ALG9: variants seen among roughly 807,000 people sequenced by gnomAD.
ALG9 encodes ALG9 alpha-1,2-mannosyltransferase.
A neutral mutation model predicts 81.8 loss-of-function variants in ALG9; 55 were observed. The ratio of observed to expected loss-of-function variants is 0.67; its 90% CI spans 0.54 to 0.84. ALG9 has a LOEUF of 0.84. Ranked by LOEUF, ALG9 falls within the 40% of genes least tolerant of loss-of-function variation. The probability of loss-of-function intolerance (pLI) is 0.00; values close to 1 mark genes in which losing one functional copy is unlikely to be tolerated. For synonymous variants in ALG9, 278 were observed against 274.3 expected, an observed-to-expected ratio of 1.01 and a Z score of -0.13; for missense variants, 629 against 745.0, an observed-to-expected ratio of 0.84 and a Z score of 1.81.
At chr11:111,825,380 T>C (rs1953059274) in intron 13 of ALG9, among the ~76,000 whole-genome samples, 2 of 152,154 alleles carry the variant, frequency 1.3e-5, no homozygotes, top group Non-Finnish European at 2.9e-5. Context: ...CATACATAAA[T>C]ATGTGAGAAC....
chr11:111,771,366 ATGT>A, the ALG9 span: 2 of 152,472 alleles, frequency 1.3e-5, no homozygotes, highest in South Asian at 2.1e-4. Flanking sequence ...CAGGAGGCAG[ATGT>A]TGTGGTGAGC....
chr11:111,871,393 CA>C lies in ALG9; in HGVS notation c.89del (p.Leu30ArgfsTer46). On this transcript the variant is annotated frameshift_variant, in exon 1 of 15. Transcript: ENST00000616540. LOFTEE classifies it high-confidence loss of function. ...TAPAADKLRELLGSREAGGAE... is the reference protein window; with the variant it reads ...TAPAADKLREXLGSREAGGAE... ...CGCCGCCCGCCTCTCGGCTGCCCAG[CA>C]GCTCCCGCAGCTTGTCCGCAGCCGG... 1 of 1,534,482 alleles carries C rather than the reference CA, an allele frequency of 6.5e-7. No individual in the cohort carries two copies.
chr11:111,868,688 G>A lies in ALG9; in HGVS notation c.319C>T (p.Pro107Ser), dbSNP rs1963291016. 3 of 1,613,596 alleles carry A rather than the reference G, an allele frequency of 1.9e-6. No homozygotes were observed. In the African/African-American group the frequency reaches 4.0e-5, roughly 22 times the overall value. The change falls in exon 3 of 15, where the codon CCA becomes TCA. Residue 107 changes from proline to serine, a missense_variant. Around this residue, in one of 3 missense-constraint regions of ALG9, gnomAD observed 344 missense variants for 390.5 expected, o/e 0.88. Transcript: ENST00000616540. The stretch of plus-strand genomic sequence containing the variant: ...GCATAGGAGCGAATGGCATATGCTG[G>A]GGAATATTCCCAAGTCTGAAACCCT... ...GEGFQTWEYS[P>S]AYAIRSYAYL...
At chr11:111,866,482 A>C (rs550478129) in intron 3 of ALG9, among the ~76,000 whole-genome samples, 1 of 152,192 alleles carries the variant, frequency 6.6e-6, no homozygotes, top group Admixed American at 6.5e-5. Context: ...AGAAACAACC[A>C]TCCTTCTCTA....
At chr11:111,792,031 C>T (rs1555070868) in intron 14 of ALG9, among the ~76,000 whole-genome samples, 1 of 152,134 alleles carries the variant, frequency 6.6e-6, no homozygotes, top group Non-Finnish European at 1.5e-5. Flanking sequence ...CGCAGTGAGC[C>T]AAGATTGTGC....
chr11:111,817,133 G>A (rs1297711565), intron 13 of ALG9: 2 of 152,184 alleles, frequency 1.3e-5, no homozygotes, highest in Non-Finnish European at 2.9e-5. Context: ...GACAGTCTGA[G>A]GACTGATAAT....
chr11:111,808,768 C>T (rs1313922670), intron 14 of ALG9, among the ~76,000 whole-genome samples: 1 of 152,212 alleles, frequency 6.6e-6, no homozygotes, highest in Non-Finnish European at 1.5e-5. Context: ...CCTGGATCTC[C>T]TTAACTCCAA....
intron 8 of ALG9, 21 bp from the exon 9 acceptor site, chr11:111,844,744 A>C: frequency 1.2e-6 from 2 of 1,612,524 alleles, no homozygotes; most frequent in African/African-American, 2.7e-5. Flanking sequence ...CATAAAGGTA[A>C]GAAATCATTA....
rs368095812 is a variant in ALG9, at chr11:111,782,899, C to T, written c.*3498G>A. 4 of 152,166 alleles carry T rather than the reference C, an allele frequency of 2.6e-5. No homozygotes were observed. The East Asian group carries it at 5.8e-4, about 22-fold the overall frequency. The allele number at this position is 152,166 out of a possible 1,614,324, so 9.4% of individuals were successfully genotyped here. A position where few individuals can be genotyped will look rare whatever the true frequency, so the allele number is the denominator to read the frequency against. On this transcript the variant is annotated 3_prime_UTR_variant, in exon 15 of 15. Transcript: ENST00000616540. ...AAGGGTCTATTTCCAAACTTGAATT[C>T]GGTAATAAAGAGTATGGGCTGCAAT...
chr11:111,829,663 T>C (rs782069647), intron 13 of ALG9, among the ~76,000 whole-genome samples: 1 of 152,204 alleles, frequency 6.6e-6, no homozygotes, highest in Non-Finnish European at 1.5e-5. Flanking sequence ...TAATAAAAGA[T>C]GTGTATTTTG....
chr11:111,819,129 TG>T (rs1951943152), intron 13 of ALG9, among the ~76,000 whole-genome samples: 1 of 152,240 alleles, frequency 6.6e-6, no homozygotes, highest in African/African-American at 2.4e-5. Flanking sequence ...GTTCAATGGT[TG>T]TATCAAATAA....
Position 111,860,532 on chromosome 11 carries a change from T to C in ALG9, c.565+15A>G. ...GGTGATGACCTGCAATTCCCTCATC[T>C]GCCCTTTTACTTACCTGATGATGAG... On this transcript the variant is annotated intron_variant, in intron 5 of 14. Transcript: ENST00000616540. The C allele has an allele frequency of 6.2e-7, 1 of 1,611,192 alleles. No homozygotes were observed. Among genetic ancestry groups the C allele is most frequent in the Non-Finnish European group, 8.5e-7 (1 of 1,177,300 alleles).
At chr11:111,788,759 A>C (rs1234232979) in intron 14 of ALG9, among the ~76,000 whole-genome samples, 2 of 152,030 alleles carry the variant, frequency 1.3e-5, no homozygotes, top group African/African-American at 4.8e-5. Context: ...TCCCAAAAAA[A>C]AAAAAGTTAC....
At chr11:111,809,073 T>A (rs1442206900) in intron 14 of ALG9, among the ~76,000 whole-genome samples, 1 of 152,212 alleles carries the variant, frequency 6.6e-6, no homozygotes, top group Non-Finnish European at 1.5e-5. Context: ...TAGCTGAAGT[T>A]GGTTGCCAAA....
intron 4 of ALG9, chr11:111,864,273 T>C (rs184475702): frequency 1.1e-5 from 12 of 1,141,402 alleles, no homozygotes; most frequent in East Asian, 2.4e-5. Flanking sequence ...TCCTCCAGCG[T>C]TGCCGCTATG....
intron 14 of ALG9, among the ~76,000 whole-genome samples, chr11:111,794,648 TTCTC>T (rs1555073615): frequency 6.6e-6 from 1 of 152,082 alleles, no homozygotes; most frequent in African/African-American, 2.4e-5. Context: ...TGTTTTTCTC[TTCTC>T]TCTCTACCTA....
intron 14 of ALG9, among the ~76,000 whole-genome samples, chr11:111,809,391 A>G (rs1379340909): frequency 6.6e-6 from 1 of 152,076 alleles, no homozygotes; most frequent in Non-Finnish European, 1.5e-5. Flanking sequence ...TTAGCCGGGC[A>G]TGGTGGTGTG....
At chr11:111,836,115 T>C in intron 13 of ALG9, 50 bp downstream of exon 13, 1 of 1,611,658 alleles carries the variant, frequency 6.2e-7, no homozygotes, top group Non-Finnish European at 8.5e-7. Context: ...CAACAGACTT[T>C]TAGGCATAGA....
intron 8 of ALG9, among the ~76,000 whole-genome samples, chr11:111,851,005 G>A (rs886936015): frequency 1.3e-5 from 2 of 152,164 alleles, no homozygotes; most frequent in African/African-American, 4.8e-5. Context: ...CCTGTTAAAC[G>A]CTGACTGAAA....
Sources: gnomAD v4.1 joint callset for allele counts (sites outside exome capture counted in the v4.1 genomes callset) on GRCh38, gnomAD v4.1.1 for gene constraint, gnomAD v4.1.1 regional missense constraint, MANE v1.5 for transcripts, NCBI Gene and HGNC (gene_info 2026-07-23, HGNC 2026-07-21) for gene names.